ABLIM3: variants seen among roughly 807,000 people sequenced by gnomAD.
ABLIM3 encodes actin binding LIM protein family member 3, also known as actin-binding LIM protein 3.
A neutral mutation model predicts 109.5 loss-of-function variants in ABLIM3; 61 were observed. The observed-to-expected ratio is 0.56, with a 90% confidence interval of 0.45 to 0.69. The LOEUF (loss-of-function observed/expected upper bound fraction) is 0.69. Ranked by LOEUF, ABLIM3 falls within the 30% of genes least tolerant of loss-of-function variation. ABLIM3 has a pLI of 0.00. For synonymous variants in ABLIM3, 300 were observed against 324.8 expected (o/e 0.92, Z 0.82); for missense variants, 796 against 889.5 (o/e 0.89, Z 1.34).
At chr5:149,209,351 G>A (rs1417972281) in intron 6 of ABLIM3, among the ~76,000 whole-genome samples, 1 of 152,178 alleles carries the variant, frequency 6.6e-6, no homozygotes, top group Non-Finnish European at 1.5e-5. Flanking sequence ...ACTGGCTCAG[G>A]CATCAGATGC....
Position 149,252,215 on chromosome 5 carries a change from G to A in ABLIM3, c.1857+7G>A, listed in dbSNP as rs1358318181. On this transcript the variant is annotated splice_region_variant and intron_variant, in intron 22 of 23. Transcript: ENST00000309868. ...TCTCTCTGCAGAGTACAAGGTAAAG[G>A]ATGTGCATAGACCCTGGGGGTCTCC... 2 of 1,613,392 alleles carry A rather than the reference G, an allele frequency of 1.2e-6. No homozygotes were observed. Among genetic ancestry groups the A allele is most frequent in the Non-Finnish European group, 1.7e-6 (2 of 1,179,746 alleles).
rs776598485 is a variant in ABLIM3, at chr5:149,183,495, T to C, written c.57T>C (p.Asn19=). The C allele has an allele frequency of 2.5e-6, 4 of 1,594,610 alleles. No individual in the cohort carries two copies. In the Admixed American group the frequency reaches 5.3e-5, roughly 21 times the overall value. The part of the protein sequence containing the change: ...QNPYNPRGSS[N]VIQCYRCGDT... ...CTTACAATCCACGGGGCAGCTCCAA[T>C]GTCATCCAGTGCTACCGCTGTGGAG... The change falls in exon 3 of 24, where the codon AAT becomes AAC. Residue 19 remains asparagine, a synonymous_variant. Transcript: ENST00000309868.
intron 9 of ABLIM3, among the ~76,000 whole-genome samples, chr5:149,231,333 G>T (rs927893802): frequency 2.0e-5 from 3 of 152,216 alleles, no homozygotes; most frequent in African/African-American, 7.2e-5. Context: ...TCCTGATACT[G>T]CAGAGAGGGA....
intron 2 of ABLIM3, among the ~76,000 whole-genome samples, chr5:149,144,500 C>T (rs951913613): frequency 3.3e-5 from 5 of 152,296 alleles, no homozygotes; most frequent in African/African-American, 1.2e-4. Context: ...TAACTTGATC[C>T]TCATGCCTGA....
At position 149,240,866 on chromosome 5, in the gene ABLIM3, C is replaced by A; in HGVS notation, c.1303+92C>A. ...CACCCCCTCGATGCCACACAGGCAC[C>A]AAGAAGCTGGTTCCTGAGGGACCTC... On this transcript the variant is annotated intron_variant, in intron 14 of 23. Transcript: ENST00000309868. 4.9e-6 allele frequency: 6 copies of A among 1,230,992 alleles called. No homozygotes were observed. In the South Asian group the frequency reaches 4.9e-5, roughly 10 times the overall value. The allele number at this position is 1,230,992 out of a possible 1,614,324, so 76.3% of individuals were successfully genotyped here.
chr5:149,250,336 C>T, intron 19 of ABLIM3, 111 bp from the exon 20 acceptor site: 1 of 1,091,978 alleles, frequency 9.2e-7, no homozygotes, highest in South Asian at 1.3e-5. Flanking sequence ...CTGGCCTCCA[C>T]CCCTTCCTGC....
intron 7 of ABLIM3, among the ~76,000 whole-genome samples, chr5:149,214,125 A>G (rs562505512): frequency 6.6e-6 from 1 of 152,364 alleles, no homozygotes; most frequent in South Asian, 2.1e-4. Context: ...ATGTCCTCTT[A>G]GTCTGTATCT....
At chr5:149,218,093 T>G (rs1413669782) in intron 8 of ABLIM3, 1 of 152,144 alleles carries the variant, frequency 6.6e-6, no homozygotes, top group African/African-American at 2.4e-5. Flanking sequence ...AGACCATGAG[T>G]GGGTGTTAAC....
intron 20 of ABLIM3, among the ~76,000 whole-genome samples, chr5:149,250,957 C>T (rs961482037): frequency 4.6e-5 from 7 of 152,144 alleles, no homozygotes; most frequent in Admixed American, 4.6e-4. Context: ...CCACTGGCCT[C>T]TAACATGGCC....
chr5:149,166,520 T>C (rs1473186371), intron 2 of ABLIM3, among the ~76,000 whole-genome samples: 1 of 152,200 alleles, frequency 6.6e-6, no homozygotes, highest in Non-Finnish European at 1.5e-5. Context: ...AGTCTCCCAG[T>C]ATGTTAGAGA....
intron 2 of ABLIM3, among the ~76,000 whole-genome samples, chr5:149,154,189 A>G (rs6580598): frequency 0.82 from 124,614 of 152,232 alleles, 51,402 homozygotes; most frequent in African/African-American, 0.92. Flanking sequence ...GGGGCAGCCC[A>G]AGGTCTATTC....
intron 3 of ABLIM3, among the ~76,000 whole-genome samples, chr5:149,192,624 C>CAAAAAAAA (rs1248511036): frequency 2.0e-5 from 1 of 50,194 alleles, no homozygotes; most frequent in Non-Finnish European, 4.2e-5. Flanking sequence ...GACTCCGTCT[C>CAAAAAAAA]AAAAAAAAAA....
chr5:149,223,154 C>T (rs1036809072), intron 8 of ABLIM3, among the ~76,000 whole-genome samples: 1 of 151,600 alleles, frequency 6.6e-6, no homozygotes, highest in Admixed American at 6.6e-5. Flanking sequence ...TAAGGGTTAC[C>T]AAGCATCTTG....
chr5:149,226,411 G>A (rs1228165447), intron 8 of ABLIM3, among the ~76,000 whole-genome samples: 1 of 152,042 alleles, frequency 6.6e-6, no homozygotes, highest in Non-Finnish European at 1.5e-5. Flanking sequence ...CTTGAACCTG[G>A]GGGCAGAGGT....
At chr5:149,196,976 G>T (rs4705329) in intron 3 of ABLIM3, among the ~76,000 whole-genome samples, 101,282 of 152,086 alleles carry the variant, frequency 0.67, 33,896 homozygotes, top group African/African-American at 0.72. Flanking sequence ...CAAAAGACTA[G>T]GAAATGCCTT....
chr5:149,256,277 A>G (rs540572269), intron 23 of ABLIM3, among the ~76,000 whole-genome samples: 2 of 152,334 alleles, frequency 1.3e-5, no homozygotes, highest in South Asian at 4.1e-4. Context: ...GAGAAACTCA[A>G]CTGGAGAACC....
At chr5:149,172,461 G>A (rs1286838782) in intron 2 of ABLIM3, among the ~76,000 whole-genome samples, 1 of 152,048 alleles carries the variant, frequency 6.6e-6, no homozygotes, top group South Asian at 2.1e-4. Flanking sequence ...ATGCTTCTGT[G>A]GTGCACCCCA....
At chr5:149,214,460 T>C (rs576214485) in intron 7 of ABLIM3, among the ~76,000 whole-genome samples, 5 of 152,334 alleles carry the variant, frequency 3.3e-5, no homozygotes, top group Middle Eastern at 3.4e-3. Flanking sequence ...CTGACTCTCA[T>C]TGGACAATCT....
chr5:149,154,219 G>A (rs142744068), intron 2 of ABLIM3, among the ~76,000 whole-genome samples: 18 of 152,332 alleles, frequency 1.2e-4, no homozygotes, highest in African/African-American at 4.1e-4. Context: ...GAGATATGGG[G>A]AAACAGCCCA....
Sources: gnomAD v4.1 joint callset for allele counts (sites outside exome capture counted in the v4.1 genomes callset) on GRCh38, gnomAD v4.1.1 for gene constraint, MANE v1.5 for transcripts, NCBI Gene and HGNC (gene_info 2026-07-23, HGNC 2026-07-21) for gene names.